Variants in SV2C observed in about 807,000 individuals in gnomAD.
The protein encoded by SV2C is synaptic vesicle glycoprotein 2C, also known as solute carrier family 22 member B3.
A neutral mutation model predicts 79.7 loss-of-function variants in SV2C; 49 were observed. The observed-to-expected ratio is 0.61, with a 90% CI of 0.49 to 0.78. The LOEUF (loss-of-function observed/expected upper bound fraction) is 0.78. Ranked by LOEUF, SV2C falls within the 30% of genes least tolerant of loss-of-function variation. The pLI is 0.00. For missense variants in SV2C, 833 were observed against 912.9 expected, an observed-to-expected ratio of 0.91 and a Z score of 1.13; for synonymous variants, 334 against 333.2, an observed-to-expected ratio of 1.00 and a Z score of -0.03.
At position 76,195,777 on chromosome 5, in the gene SV2C, A is replaced by G. The variant is rs574681560; in HGVS notation, c.761+678A>G. ...CTTTGCTTCAATAAGAAAAAAACAT[A>G]GTAAAAATATAAAATTTTTATAACG... is the stretch of plus-strand genomic sequence containing the variant. On this transcript the variant is annotated intron_variant, in intron 3 of 12. Transcript: ENST00000502798. Among the ~76,000 whole-genome samples the G allele has an allele frequency of 7.4e-4, 113 of 152,342 alleles. 3 individuals are homozygous for G. In the South Asian group the frequency reaches 0.023, roughly 31 times the overall value.
chr5:76,177,585 G>A (rs932442874), intron 2 of SV2C, among the ~76,000 whole-genome samples: 3 of 152,160 alleles, frequency 2.0e-5, no homozygotes, highest in Non-Finnish European at 2.9e-5. Flanking sequence ...GGTTGGCTGC[G>A]AATAACTGAA....
At chr5:75,890,684 C>T in the SV2C span, among the ~76,000 whole-genome samples, 2 of 152,044 alleles carry the variant, frequency 1.3e-5, no homozygotes, top group African/African-American at 2.4e-5. Flanking sequence ...TTGCGAGGCT[C>T]CTGTGATGTC....
downstream of SV2C, among the ~76,000 whole-genome samples, chr5:76,337,878 C>T (rs1314916057): frequency 3.3e-5 from 5 of 152,214 alleles, no homozygotes; most frequent in South Asian, 2.1e-4. Context: ...TAGGCACATC[C>T]TTCCTCTCCC....
the SV2C span, among the ~76,000 whole-genome samples, chr5:75,972,380 G>T: frequency 1.3e-5 from 2 of 152,056 alleles, no homozygotes; most frequent in African/African-American, 4.8e-5. Context: ...TACCATCAGA[G>T]TGAACAGGCA....
chr5:76,182,248 C>T lies in SV2C; in HGVS notation c.581-12671C>T, dbSNP rs191435784. Among the ~76,000 whole-genome samples the T allele has an allele frequency of 2.0e-3, 309 of 152,148 alleles. 2 individuals carry two copies. Among genetic ancestry groups the T allele is most frequent in the African/African-American group, 6.7e-3 (279 of 41,508 alleles). ...GGGTTTCTGTTGTGAACATCTTCCT[C>T]GCTTGTTTAAGACATGACCCCCCAG... On this transcript the variant is annotated intron_variant, in intron 2 of 12. Coordinates refer to ENST00000502798, the MANE Select transcript of SV2C (RefSeq NM_014979.4).
chr5:76,118,612 G>A (rs900576781), intron 1 of SV2C, among the ~76,000 whole-genome samples: 1 of 152,128 alleles, frequency 6.6e-6, no homozygotes, highest in Non-Finnish European at 1.5e-5. Flanking sequence ...TAAGGAAATA[G>A]GGGCTTTTCT....
chr5:75,973,940 T>A, the SV2C span, among the ~76,000 whole-genome samples: 1 of 151,958 alleles, frequency 6.6e-6, no homozygotes, highest in Admixed American at 6.6e-5. Flanking sequence ...TTAGAGAGAA[T>A]TTTTTTGTTA....
At chr5:75,851,209 T>A in the SV2C span, among the ~76,000 whole-genome samples, 1 of 152,200 alleles carries the variant, frequency 6.6e-6, no homozygotes, top group Non-Finnish European at 1.5e-5. Context: ...GCTCATTCTT[T>A]TTTAGTGGAA....
intron 2 of SV2C, among the ~76,000 whole-genome samples, chr5:76,167,045 C>T (rs1743067449): frequency 6.6e-6 from 1 of 152,290 alleles, no homozygotes; most frequent in Middle Eastern, 3.4e-3. Context: ...CACTCTTAGC[C>T]AGCCCTGACA....
chr5:75,934,546 A>G, the SV2C span, among the ~76,000 whole-genome samples: 1 of 152,058 alleles, frequency 6.6e-6, no homozygotes, highest in Non-Finnish European at 1.5e-5. Flanking sequence ...TCGGCCTCCC[A>G]AAGTGCTGGG....
intron 2 of SV2C, among the ~76,000 whole-genome samples, chr5:76,166,449 C>G (rs1743048901): frequency 7.5e-6 from 1 of 133,622 alleles, no homozygotes; most frequent in African/African-American, 2.8e-5. Context: ...GAACTTGAAA[C>G]AAATTCAAAT....
intron 4 of SV2C, among the ~76,000 whole-genome samples, chr5:76,222,532 G>C (rs2112380041): frequency 6.6e-6 from 1 of 150,914 alleles, no homozygotes; most frequent in African/African-American, 2.4e-5. Flanking sequence ...GAGTGTCTTG[G>C]TTTTCAATAT....
At chr5:75,918,594 G>A in the SV2C span, among the ~76,000 whole-genome samples, 1 of 152,246 alleles carries the variant, frequency 6.6e-6, no homozygotes, top group South Asian at 2.1e-4. Flanking sequence ...TGCCGCTTGT[G>A]TGTGTGAGAA....
the SV2C span, among the ~76,000 whole-genome samples, chr5:76,006,106 A>G: frequency 6.6e-6 from 1 of 152,236 alleles, no homozygotes; most frequent in Non-Finnish European, 1.5e-5. Flanking sequence ...TCAGTGGCTC[A>G]TAATGATTGA....
chr5:75,856,955 C>CTTTTT, the SV2C span, among the ~76,000 whole-genome samples: 1 of 128,526 alleles, frequency 7.8e-6, no homozygotes, highest in African/African-American at 3.0e-5. Context: ...GTCTTTAATC[C>CTTTTT]TTTTTTTTTT....
chr5:76,198,823 C>T (rs1384076235), intron 3 of SV2C, among the ~76,000 whole-genome samples: 1 of 152,092 alleles, frequency 6.6e-6, no homozygotes, highest in Non-Finnish European at 1.5e-5. Context: ...CAATTCAACT[C>T]AAAAAACATT....
At chr5:75,918,122 G>T in the SV2C span, among the ~76,000 whole-genome samples, 1 of 152,146 alleles carries the variant, frequency 6.6e-6, no homozygotes, top group African/African-American at 2.4e-5. Context: ...TAAATCCTAA[G>T]AAATATTTAT....
chr5:76,074,303 C>A, the SV2C span, among the ~76,000 whole-genome samples: 1 of 152,154 alleles, frequency 6.6e-6, no homozygotes, highest in South Asian at 2.1e-4. Context: ...CTCTTCTCAG[C>A]CACCATTCAG....
intron 1 of SV2C, among the ~76,000 whole-genome samples, chr5:76,126,027 G>T (rs1161505378): frequency 1.9e-4 from 29 of 152,120 alleles, no homozygotes; most frequent in Admixed American, 1.9e-3. Context: ...ACTGCTGCCT[G>T]GGTGGGAGAG....
Sources: gnomAD v4.1 joint callset for allele counts (sites outside exome capture counted in the v4.1 genomes callset) on GRCh38, gnomAD v4.1.1 for gene constraint, MANE v1.5 for transcripts, NCBI Gene and HGNC (gene_info 2026-07-23, HGNC 2026-07-21) for gene names.